The following CDK13 variants were observed in gnomAD, a reference collection of about 807,000 sequenced individuals.
The protein encoded by CDK13 is cyclin dependent kinase 13.
A neutral mutation model predicts 137.6 loss-of-function variants in CDK13; 40 were observed. The ratio of observed to expected loss-of-function variants is 0.29; its 90% CI spans 0.23 to 0.38. The LOEUF (loss-of-function observed/expected upper bound fraction) is 0.38. CDK13 is among the 10% of genes least tolerant of loss of function. The pLI, the probability that CDK13 is intolerant of heterozygous loss-of-function variation, is 1.00. For synonymous variants in CDK13, 869 were observed against 760.1 expected, an observed-to-expected ratio of 1.14 and a Z score of -2.36; for missense variants, 1,704 against 1,951.8, an observed-to-expected ratio of 0.87 and a Z score of 2.39.
chr7:40,027,077 C>T (rs1785258519), intron 5 of CDK13, among the ~76,000 whole-genome samples: 1 of 152,188 alleles, frequency 6.6e-6, no homozygotes, highest in Admixed American at 6.6e-5. Context: ...AGTGCAGTGG[C>T]TCATGCTTGT....
intron 12 of CDK13, among the ~76,000 whole-genome samples, chr7:40,091,331 G>C (rs1786918223): frequency 6.6e-6 from 1 of 151,808 alleles, no homozygotes; most frequent in Non-Finnish European, 1.5e-5. Context: ...CTGGGCCACA[G>C]GGCGAGACTC....
At chr7:39,954,632 C>CA (rs1787350707) in intron 1 of CDK13, among the ~76,000 whole-genome samples, 1 of 152,188 alleles carries the variant, frequency 6.6e-6, no homozygotes, top group Admixed American at 6.5e-5. Context: ...ATATTTAATA[C>CA]AGACCATGTG....
chr7:39,958,353 C>T (rs1787489704), intron 1 of CDK13, among the ~76,000 whole-genome samples: 1 of 151,908 alleles, frequency 6.6e-6, no homozygotes, highest in Admixed American at 6.6e-5. Context: ...TCTGTTACTG[C>T]TCTTTATTAT....
chr7:39,989,540 T>C lies in CDK13; in HGVS notation c.1871+1282T>C, dbSNP rs1784414024. The stretch of plus-strand genomic sequence containing the variant: ...TTCTTGAGTTTCATGCCCTTTGAGG[T>C]GCCTTTTTAAAAATAATCAAAATGT... On this transcript the variant is annotated intron_variant, in intron 2 of 13. Transcript: ENST00000181839. 3.3e-5 allele frequency among the ~76,000 whole-genome samples: 5 copies of C among 152,120 alleles called. No homozygotes were observed. The South Asian group carries it at 1.0e-3, about 31-fold the overall frequency.
chr7:39,960,702 G>C (rs1787590791), intron 1 of CDK13, among the ~76,000 whole-genome samples: 1 of 152,108 alleles, frequency 6.6e-6, no homozygotes, highest in African/African-American at 2.4e-5. Context: ...AGCCTCCTGA[G>C]TAGCTGGAAT....
intron 1 of CDK13, among the ~76,000 whole-genome samples, chr7:39,972,784 T>G (rs568456211): frequency 6.6e-6 from 1 of 152,234 alleles, no homozygotes; most frequent in African/African-American, 2.4e-5. Context: ...AGTTTTTGCA[T>G]GAGCATTTGT....
chr7:40,021,114 T>TACACAC (rs1261518119), intron 5 of CDK13, among the ~76,000 whole-genome samples: 6 of 94,688 alleles, frequency 6.3e-5, no homozygotes, highest in African/African-American at 1.9e-4. Flanking sequence ...TATATATATA[T>TACACAC]ATATATATAC....
At position 40,035,389 on chromosome 7, in the gene CDK13, G is replaced by C. The variant is rs895380051; in HGVS notation, c.2354-10447G>C. ...TAGGAACTGGGCCGCACAGTAGGAG[G>C]TGAGTGGAAGGTGAGCGAGTGAAGC... is the stretch of plus-strand genomic sequence containing the variant. On this transcript the variant is annotated intron_variant, in intron 5 of 13. Transcript: ENST00000181839. Among the ~76,000 whole-genome samples the C allele has an allele frequency of 4.6e-5, 7 of 152,222 alleles. 1 individual carries two copies. Among genetic ancestry groups the C allele is most frequent in the Non-Finnish European group, 2.9e-5 (2 of 68,006 alleles).
chr7:40,028,216 G>A (rs1785286414), intron 5 of CDK13, among the ~76,000 whole-genome samples: 1 of 138,100 alleles, frequency 7.2e-6, no homozygotes, highest in African/African-American at 3.1e-5. Context: ...TGCTTGAATT[G>A]ACTTTTTTTT....
chr7:39,955,925 A>G (rs1583901900), intron 1 of CDK13, among the ~76,000 whole-genome samples: 1 of 152,196 alleles, frequency 6.6e-6, no homozygotes, highest in Non-Finnish European at 1.5e-5. Context: ...CAAGAAGCAC[A>G]GAAGCATTCA....
At chr7:40,070,404 C>CT (rs1786390453) in intron 9 of CDK13, 1 of 89,630 alleles carries the variant, frequency 1.1e-5, no homozygotes, top group Non-Finnish European at 2.1e-5. Flanking sequence ...AAGACTCCAT[C>CT]CCAAAAAAAA....
chr7:40,065,719 C>T (rs1362165876), intron 9 of CDK13, among the ~76,000 whole-genome samples: 1 of 152,002 alleles, frequency 6.6e-6, no homozygotes, highest in African/African-American at 2.4e-5. Flanking sequence ...ATTAATTAAG[C>T]ATTCTACAGA....
At chr7:40,028,140 T>C (rs1785285201) in intron 5 of CDK13, among the ~76,000 whole-genome samples, 2 of 151,748 alleles carry the variant, frequency 1.3e-5, no homozygotes, top group African/African-American at 4.8e-5. Flanking sequence ...GTCGTTCTCT[T>C]GTTGATCAGA....
At position 39,951,498 on chromosome 7, in the gene CDK13, CCAAGGAGCCGCCTTCGGCCTA is replaced by C; in HGVS notation, c.864_884del (p.Ser291_Pro297del). 1 of 1,537,052 alleles carries C rather than the reference CCAAGGAGCCGCCTTCGGCCTA, an allele frequency of 6.5e-7. No homozygotes were observed. Among genetic ancestry groups the C allele is most frequent in the Non-Finnish European group, 8.7e-7 (1 of 1,143,132 alleles). On this transcript the variant is annotated inframe_deletion, in exon 1 of 14. Coordinates refer to ENST00000181839, the MANE Select transcript of CDK13 (RefSeq NM_003718.5). Reference sequence around the variant, plus strand: ...GCCCACCGCAGCCGGACTAAGTCGTCCAAGGAGCCGCCTTCGGCCTACAAGGAACCGCCCAAGGCCTACCGG... The same window carrying C: ...GCCCACCGCAGCCGGACTAAGTCGTCCAAGGAACCGCCCAAGGCCTACCGG...
At chr7:39,965,073 TGTG>T (rs1345153678) in intron 1 of CDK13, among the ~76,000 whole-genome samples, 3 of 152,302 alleles carry the variant, frequency 2.0e-5, no homozygotes, top group African/African-American at 7.2e-5. Flanking sequence ...ATAGGTGTGG[TGTG>T]GTGCTGAAAA....
At chr7:39,975,982 A>G (rs906418670) in intron 1 of CDK13, among the ~76,000 whole-genome samples, 3 of 152,162 alleles carry the variant, frequency 2.0e-5, no homozygotes, top group African/African-American at 7.2e-5. Flanking sequence ...GAAGTGATAG[A>G]GATGAGACTT....
chr7:40,060,116 G>T (rs570747124), intron 7 of CDK13, among the ~76,000 whole-genome samples: 4 of 152,084 alleles, frequency 2.6e-5, no homozygotes, highest in Admixed American at 1.3e-4. Flanking sequence ...GTTTGCTAAG[G>T]TGACTGCTAA....
chr7:40,082,746 T>G (rs903078343), intron 11 of CDK13, among the ~76,000 whole-genome samples: 1 of 149,582 alleles, frequency 6.7e-6, no homozygotes, highest in Non-Finnish European at 1.5e-5. Context: ...AGCCAAGATC[T>G]TGCCGCTGCA....
In CDK13 at chr7:39,959,555, C is replaced by T. The variant is rs115835802; in HGVS notation, c.1211+7703C>T. Reference sequence around the variant, plus strand: ...ACCATCTGCTCACTGCAACCTCCACCTCCCAGCTCAAGTGATCTCTCACCT... The same window carrying T: ...ACCATCTGCTCACTGCAACCTCCACTTCCCAGCTCAAGTGATCTCTCACCT... On this transcript the variant is annotated intron_variant, in intron 1 of 13. Transcript: ENST00000181839. Among the ~76,000 whole-genome samples, 654 of 152,078 alleles carry T rather than the reference C, an allele frequency of 4.3e-3. 4 individuals carry two copies. The highest frequency in any genetic ancestry group is 0.014 in the African/African-American group (583 of 41,482).
Sources: gnomAD v4.1 joint callset for allele counts (sites outside exome capture counted in the v4.1 genomes callset) on GRCh38, gnomAD v4.1.1 for gene constraint, MANE v1.5 for transcripts, NCBI Gene and HGNC (gene_info 2026-07-23, HGNC 2026-07-21) for gene names.